Variants in PHYHD1 observed in about 807,000 individuals in gnomAD.
The protein encoded by PHYHD1 is phytanoyl-CoA dioxygenase domain containing 1, also known as phytanoyl-CoA dioxygenase domain-containing protein 1.
PHYHD1 carries 42 observed loss-of-function variants against 43.6 expected under a neutral mutation model. That is an observed-to-expected ratio of 0.96 (90% CI 0.75 to 1.25). The LOEUF (loss-of-function observed/expected upper bound fraction) is 1.25. Among genes scored for constraint, PHYHD1 ranks in the 50% most tolerant of loss-of-function variants. The pLI, the probability that PHYHD1 is intolerant of heterozygous loss-of-function variation, is 0.00. For missense variants in PHYHD1, 342 were observed against 370.8 expected (o/e 0.92, Z 0.64); for synonymous variants, 139 against 143.6 (o/e 0.97, Z 0.23).
intron 11 of PHYHD1, among the ~76,000 whole-genome samples, chr9:128,941,167 G>A (rs886582399): frequency 6.6e-6 from 1 of 152,192 alleles, no homozygotes; most frequent in South Asian, 2.1e-4. Flanking sequence ...GAGGGCTTCT[G>A]CCTGATCCTG....
chr9:128,937,764 A>C lies in PHYHD1; in HGVS notation c.443A>C (p.His148Pro). 2 of 1,613,990 alleles carry C rather than the reference A, an allele frequency of 1.2e-6. No individual in the cohort carries two copies. Among genetic ancestry groups the C allele is most frequent in the East Asian group, 2.2e-5 (1 of 44,890 alleles). The change falls in exon 9 of 13, where the codon CAC (histidine) becomes CCC (proline). Residue 148 changes from histidine to proline, a missense_variant. Coordinates refer to ENST00000372592, the MANE Select transcript of PHYHD1 (RefSeq NM_001100876.2). ...TTTTCCTCTCTCTTGCAGCAACCTC[A>C]CTTTGGCGGTGAAGGTGAGCTGAGA... ...VQSMYIFKQP[H>P]FGGEVSPHQD...
At chr9:128,930,587 G>A (rs1252436559) in intron 4 of PHYHD1, among the ~76,000 whole-genome samples, 10 of 150,632 alleles carry the variant, frequency 6.6e-5, no homozygotes, top group South Asian at 2.1e-4. Context: ...AGCCAAGATC[G>A]CGCTAATGCA....
chr9:128,929,973 C>CAA (rs773392942), intron 4 of PHYHD1, among the ~76,000 whole-genome samples: 2 of 127,652 alleles, frequency 1.6e-5, no homozygotes, highest in Non-Finnish European at 3.4e-5. Context: ...ACAAAAAATA[C>CAA]AAAAAAAAAA....
intron 3 of PHYHD1, 106 bp from the exon 4 acceptor site, chr9:128,926,932 C>T: frequency 6.6e-7 from 1 of 1,504,906 alleles, no homozygotes; most frequent in Non-Finnish European, 9.2e-7. Context: ...GACAGGGCAG[C>T]AAACAAGATA....
In PHYHD1 at chr9:128,922,316, G is replaced by C; in HGVS notation, c.-8G>C. 6.4e-7 allele frequency: 1 copy of C among 1,551,298 alleles called. No homozygotes were observed. Among genetic ancestry groups the C allele is most frequent in the Non-Finnish European group, 8.7e-7 (1 of 1,147,324 alleles). ...GCTTAGAAGCCGCCCAGTGCCCTGA[G>C]CGTCTCCATGGCCTGCCTGAGCCCC... On this transcript the variant is annotated 5_prime_UTR_variant, in exon 3 of 13. Transcript: ENST00000372592.
intron 4 of PHYHD1, among the ~76,000 whole-genome samples, chr9:128,931,851 TGAGA>T (rs1554825725): frequency 1.3e-5 from 2 of 151,652 alleles, no homozygotes; most frequent in Non-Finnish European, 1.5e-5. Flanking sequence ...TCTTTCTTTT[TGAGA>T]TGGAGTTTTG....
chr9:128,932,397 C>T (rs540481032), intron 4 of PHYHD1, among the ~76,000 whole-genome samples: 16 of 150,758 alleles, frequency 1.1e-4, no homozygotes, highest in African/African-American at 3.7e-4. Context: ...GATGGAATTT[C>T]GCTCTTGTTG....
intron 4 of PHYHD1, among the ~76,000 whole-genome samples, chr9:128,928,916 T>G (rs1325469393): frequency 2.0e-5 from 3 of 152,162 alleles, no homozygotes; most frequent in Non-Finnish European, 4.4e-5. Flanking sequence ...CACTGTAAGT[T>G]GGATAAAACT....
chr9:128,926,441 T>C (rs1841135881), intron 3 of PHYHD1, among the ~76,000 whole-genome samples: 1 of 151,840 alleles, frequency 6.6e-6, no homozygotes, highest in African/African-American at 2.4e-5. Flanking sequence ...TTAGTAGAGA[T>C]GGGGTTTCAC....
At position 128,930,103 on chromosome 9, in the gene PHYHD1, C is replaced by A. The variant is rs535121417; in HGVS notation, c.192+2907C>A. Among the ~76,000 whole-genome samples the A allele has an allele frequency of 2.1e-3, 322 of 151,654 alleles. 5 individuals are homozygous for A. Among genetic ancestry groups the A allele is most frequent in the African/African-American group, 7.4e-3 (305 of 41,362 alleles). ...CACCAGCCTGAGCAACATGGCAAAA[C>A]CCCATCTCTACCAAAAATCCAAGAA... On this transcript the variant is annotated intron_variant, in intron 4 of 12. Transcript: ENST00000372592.
At chr9:128,930,758 G>T (rs2131103336) in intron 4 of PHYHD1, among the ~76,000 whole-genome samples, 1 of 152,166 alleles carries the variant, frequency 6.6e-6, no homozygotes, top group East Asian at 1.9e-4. Flanking sequence ...GACCATCCTG[G>T]CTAACACAGT....
At chr9:128,932,169 G>GTTA (rs1181126118) in intron 4 of PHYHD1, among the ~76,000 whole-genome samples, 1 of 116,412 alleles carries the variant, frequency 8.6e-6, no homozygotes, top group Non-Finnish European at 1.6e-5. Flanking sequence ...TATTATTATT[G>GTTA]TTATTATTAT....
At chr9:128,931,506 G>A (rs1325815805) in intron 4 of PHYHD1, among the ~76,000 whole-genome samples, 2 of 151,964 alleles carry the variant, frequency 1.3e-5, no homozygotes, top group African/African-American at 2.4e-5. Context: ...AAGAATTGAG[G>A]AGGTCAGTTT....
chr9:128,932,631 TG>T (rs1390306948), intron 4 of PHYHD1, among the ~76,000 whole-genome samples: 4 of 65,094 alleles, frequency 6.1e-5, no homozygotes, highest in African/African-American at 2.4e-4. Context: ...CCTCCCAAAG[TG>T]CTGGGATTAC....
rs1840992801 is a variant in PHYHD1, at chr9:128,921,283, TG to T, written c.-543del. On this transcript the variant is annotated 5_prime_UTR_variant, in exon 1 of 13. An upstream open reading frame in the 5' UTR gains an earlier in-frame stop. Transcript: ENST00000372592. Reference sequence around the variant, plus strand: ...CCTGCCACCATGCTCGGCTAGTTTTTGGTATTTTTATTTATTATTTATTTAT... The same window carrying T: ...CCTGCCACCATGCTCGGCTAGTTTTTGTATTTTTATTTATTATTTATTTAT... 6.6e-6 allele frequency: 1 copy of T among 152,010 alleles called. No individual in the cohort carries two copies. Among genetic ancestry groups the T allele is most frequent in the South Asian group, 2.1e-4 (1 of 4,828 alleles). The allele number at this position is 152,010 out of a possible 1,614,324, so 9.4% of individuals were successfully genotyped here.
chr9:128,932,820 C>CTTATTTACTTAT (rs1841325559), intron 4 of PHYHD1, among the ~76,000 whole-genome samples: 1 of 141,832 alleles, frequency 7.1e-6, no homozygotes, highest in Non-Finnish European at 1.5e-5. Context: ...ATTATTATTC[C>CTTATTTACTTAT]TTATTTATTT....
At chr9:128,925,616 C>A (rs749321080) in intron 3 of PHYHD1, among the ~76,000 whole-genome samples, 4 of 152,050 alleles carry the variant, frequency 2.6e-5, no homozygotes, top group Non-Finnish European at 4.4e-5. Context: ...CTTTCTCTCT[C>A]AAGAGCCTCA....
rs143625733 is a variant in PHYHD1, at chr9:128,931,770, G to A, written c.193-2012G>A. Among the ~76,000 whole-genome samples the A allele has an allele frequency of 2.7e-3, 402 of 151,642 alleles. 6 individuals are homozygous for A. In the East Asian group the frequency reaches 0.039, roughly 15 times the overall value. On this transcript the variant is annotated intron_variant, in intron 4 of 12. Coordinates refer to ENST00000372592, the MANE Select transcript of PHYHD1 (RefSeq NM_001100876.2). ...TCTCGATCTCCTGACCTCGTGATCC[G>A]TCCGCCTCAGCCTCCCAAAGTGCTG...
chr9:128,933,725 A>T, intron 4 of PHYHD1, 57 bp from the exon 5 acceptor site: 1 of 1,565,110 alleles, frequency 6.4e-7, no homozygotes, highest in Non-Finnish European at 8.8e-7. Flanking sequence ...CCTCTTTGCC[A>T]GGCCCAGCTC....
Sources: gnomAD v4.1 joint callset for allele counts (sites outside exome capture counted in the v4.1 genomes callset) on GRCh38, gnomAD v4.1.1 for gene constraint, MANE v1.5 for transcripts, NCBI Gene and HGNC (gene_info 2026-07-23, HGNC 2026-07-21) for gene names.